NRXN3: variants seen among roughly 807,000 people sequenced by gnomAD.
The protein encoded by NRXN3 is neurexin III.
A neutral mutation model predicts 137.6 loss-of-function variants in NRXN3; 32 were observed. The ratio of observed to expected loss-of-function variants is 0.23; its 90% confidence interval spans 0.18 to 0.31. The LOEUF is 0.31. Among genes scored for constraint, NRXN3 ranks in the 10% least tolerant of loss-of-function variants. The pLI is 1.00. For missense variants in NRXN3, 1,574 were observed against 2,062.5 expected, an observed-to-expected ratio of 0.76 and a Z score of 4.59; for synonymous variants, 798 against 784.5, an observed-to-expected ratio of 1.02 and a Z score of -0.29.
chr14:78,938,250 C>T (rs965742333), intron 10 of NRXN3, among the ~76,000 whole-genome samples: 1 of 152,234 alleles, frequency 6.6e-6, no homozygotes, highest in Non-Finnish European at 1.5e-5. Context: ...TGTCCAAGGT[C>T]ACACAGCTAG....
intron 16 of NRXN3, among the ~76,000 whole-genome samples, chr14:79,629,024 G>A (rs1393992818): frequency 6.6e-6 from 1 of 152,094 alleles, no homozygotes; most frequent in Non-Finnish European, 1.5e-5. Context: ...TTTTCAATGG[G>A]CAGTGGTTCT....
At chr14:78,216,757 G>A (rs2063326246) in intron 1 of NRXN3, among the ~76,000 whole-genome samples, 1 of 152,202 alleles carries the variant, frequency 6.6e-6, no homozygotes, top group African/African-American at 2.4e-5. Flanking sequence ...CTGAAACCAA[G>A]GTGTTGGCAG....
rs1314152598 is a variant in NRXN3, at chr14:78,283,531, G to T, written c.727+4869G>T. On this transcript the variant is annotated intron_variant, in intron 3 of 20. Transcript: ENST00000335750. ...CTAACATTTTTTTTTTTTTTGAGAT[G>T]GAGTTTCGCTCTTGTCACCCAGACT... Among the ~76,000 whole-genome samples, 13 of 147,948 alleles carry T rather than the reference G, an allele frequency of 8.8e-5. No individual in the cohort carries two copies. In the East Asian group the frequency reaches 1.8e-3, roughly 20 times the overall value.
At chr14:78,432,321 T>A (rs1248266784) in intron 4 of NRXN3, among the ~76,000 whole-genome samples, 1 of 151,392 alleles carries the variant, frequency 6.6e-6, no homozygotes, top group Non-Finnish European at 1.5e-5. Context: ...TTTTGACATG[T>A]CTCAGCTCCT....
chr14:79,215,746 G>A lies in NRXN3; in HGVS notation c.3262+227605G>A, dbSNP rs145643632. ...CAATTCGAGATGAGATTTGGGTGGGGACATAGACAAACCATATCATACATA... is the reference window on the plus strand; with the variant it reads ...CAATTCGAGATGAGATTTGGGTGGGAACATAGACAAACCATATCATACATA... On this transcript the variant is annotated intron_variant, in intron 15 of 20. Transcript: ENST00000335750. Among the ~76,000 whole-genome samples, 886 of 152,264 alleles carry A rather than the reference G, an allele frequency of 5.8e-3. 10 individuals carry two copies. Among genetic ancestry groups the A allele is most frequent in the Admixed American group, 0.011 (161 of 15,296 alleles).
chr14:78,442,595 G>T (rs543255059), intron 4 of NRXN3, among the ~76,000 whole-genome samples: 1 of 152,298 alleles, frequency 6.6e-6, no homozygotes, highest in African/African-American at 2.4e-5. Context: ...TCTCTGAAAG[G>T]GAAGACAGGG....
At chr14:78,716,082 A>G (rs1257773832) in intron 8 of NRXN3, among the ~76,000 whole-genome samples, 1 of 152,154 alleles carries the variant, frequency 6.6e-6, no homozygotes, top group Non-Finnish European at 1.5e-5. Flanking sequence ...AGAGGGGACC[A>G]AAGAGATGAG....
chr14:78,392,567 A>G (rs528307824), intron 4 of NRXN3, among the ~76,000 whole-genome samples: 1 of 152,268 alleles, frequency 6.6e-6, no homozygotes, highest in African/African-American at 2.4e-5. Context: ...GGTTAAATCA[A>G]CCCTCGAAGC....
At chr14:79,860,983 G>C in intron 20 of NRXN3, 1 of 1,057,284 alleles carries the variant, frequency 9.5e-7, no homozygotes, top group South Asian at 2.3e-5. Context: ...GACGTTGGTT[G>C]AGTGAGAGTT....
At position 79,288,646 on chromosome 14, in the gene NRXN3, G is replaced by A. The variant is rs1018002016; in HGVS notation, c.3263-178575G>A. On this transcript the variant is annotated intron_variant, in intron 15 of 20. Coordinates refer to ENST00000335750, the MANE Select transcript of NRXN3 (RefSeq NM_001330195.2). ...TGACCAGAAAACTCTTGGTCTTTCT[G>A]CTGTACCACACAGTCTGTCAACTCA... 5.4e-4 allele frequency among the ~76,000 whole-genome samples: 82 copies of A among 152,252 alleles called. 1 individual carries two copies. The highest frequency in any genetic ancestry group is 2.8e-3 in the Admixed American group (43 of 15,282).
At chr14:78,649,183 G>T in intron 5 of NRXN3, 1 of 892,364 alleles carries the variant, frequency 1.1e-6, no homozygotes, top group South Asian at 1.4e-5. Context: ...ACACCCTAAC[G>T]ACTCATCTTT....
intron 4 of NRXN3, among the ~76,000 whole-genome samples, chr14:78,414,579 A>G (rs1026862936): frequency 1.3e-5 from 2 of 152,206 alleles, no homozygotes; most frequent in South Asian, 2.1e-4. Context: ...ACTAACACCA[A>G]TGCCCTTTAT....
At chr14:78,668,804 CTTTA>C (rs1378997359) in intron 6 of NRXN3, among the ~76,000 whole-genome samples, 1 of 152,138 alleles carries the variant, frequency 6.6e-6, no homozygotes, top group Non-Finnish European at 1.5e-5. Context: ...TCTAGTAAAA[CTTTA>C]TTTAGAAGAG....
At chr14:78,696,887 C>T (rs1049664950) in intron 6 of NRXN3, among the ~76,000 whole-genome samples, 7 of 152,204 alleles carry the variant, frequency 4.6e-5, no homozygotes, top group Admixed American at 4.6e-4. Flanking sequence ...GCCATCACCA[C>T]CACTGTCACC....
chr14:78,608,618 T>C (rs887490328), intron 4 of NRXN3, among the ~76,000 whole-genome samples: 4 of 152,086 alleles, frequency 2.6e-5, no homozygotes, highest in Non-Finnish European at 5.9e-5. Flanking sequence ...CCAGGAAGGG[T>C]ATATATACAG....
At chr14:78,187,751 G>A (rs1232015894) in intron 1 of NRXN3, among the ~76,000 whole-genome samples, 4 of 151,694 alleles carry the variant, frequency 2.6e-5, no homozygotes, top group Middle Eastern at 3.2e-3. Context: ...AGTGAGAGTC[G>A]GGGCTAACTG....
chr14:78,208,750 T>C (rs765644408), intron 1 of NRXN3, among the ~76,000 whole-genome samples: 10 of 152,222 alleles, frequency 6.6e-5, no homozygotes, highest in African/African-American at 2.4e-4. Context: ...GATGAGGCTA[T>C]GTGAGGATTA....
At chr14:78,180,176 C>T (rs1425096616) in intron 1 of NRXN3, among the ~76,000 whole-genome samples, 4 of 151,904 alleles carry the variant, frequency 2.6e-5, no homozygotes, top group South Asian at 2.1e-4. Flanking sequence ...TGGGGGAGGG[C>T]GCTTTTATAT....
intron 4 of NRXN3, among the ~76,000 whole-genome samples, chr14:78,543,784 A>C (rs2096613465): frequency 6.6e-6 from 1 of 152,022 alleles, no homozygotes; most frequent in Non-Finnish European, 1.5e-5. Context: ...TCATTTCGTT[A>C]ATCCTAGCCT....
Sources: gnomAD v4.1 joint callset for allele counts (sites outside exome capture counted in the v4.1 genomes callset) on GRCh38, gnomAD v4.1.1 for gene constraint, MANE v1.5 for transcripts, NCBI Gene and HGNC (gene_info 2026-07-23, HGNC 2026-07-21) for gene names.